MOB3B: variants seen among roughly 807,000 people sequenced by gnomAD.
MOB3B encodes the protein MOB kinase activator 3B, also known as MOB kinase activator-like 2B.
In MOB3B, 7 loss-of-function variants were observed where a neutral mutation model predicts 18.7. The ratio of observed to expected loss-of-function variants is 0.37; its 90% CI spans 0.21 to 0.70. MOB3B has a LOEUF of 0.70. MOB3B is among the 30% of genes least tolerant of loss of function. MOB3B has a pLI of 0.52. For synonymous variants in MOB3B, 111 were observed against 99.9 expected, an observed-to-expected ratio of 1.11 and a Z score of -0.66; for missense variants, 253 against 281.3, an observed-to-expected ratio of 0.90 and a Z score of 0.72.
chr9:27,524,489 G>A, intron 1 of MOB3B: 1 of 1,614,088 alleles, frequency 6.2e-7, no homozygotes, highest in Non-Finnish European at 8.5e-7. Flanking sequence ...TGAGTAGTAT[G>A]AGCAATTCAT....
In MOB3B at chr9:27,327,254, A is replaced by G. The variant is rs1341461959; in HGVS notation, c.*3333T>C. 1 of 152,190 alleles carries G rather than the reference A, an allele frequency of 6.6e-6. No individual in the cohort carries two copies. The highest frequency in any genetic ancestry group is 1.5e-5 in the Non-Finnish European group (1 of 68,038). 9.4% of individuals were successfully genotyped at this position (152,190 alleles called of 1,614,324 possible). A position where few individuals can be genotyped will look rare whatever the true frequency, so the allele number is the denominator to read the frequency against. On this transcript the variant is annotated 3_prime_UTR_variant, in exon 4 of 4. Coordinates refer to ENST00000262244, the MANE Select transcript of MOB3B (RefSeq NM_024761.5). ...ACGTATGCACAGCCTCACACTCTAT[A>G]AATGTATGTGTCCTGAATTTCAGAG...
intron 1 of MOB3B, among the ~76,000 whole-genome samples, chr9:27,491,114 G>A (rs188013505): frequency 2.7e-4 from 41 of 151,778 alleles, no homozygotes; most frequent in Admixed American, 7.9e-4. Context: ...TTATTTCTTC[G>A]GAACGATGAG....
chr9:27,521,803 C>A (rs1820336138), intron 1 of MOB3B, among the ~76,000 whole-genome samples: 1 of 151,996 alleles, frequency 6.6e-6, no homozygotes, highest in Non-Finnish European at 1.5e-5. Context: ...TGGAACTGAG[C>A]CTTAGGGAGA....
chr9:27,429,150 C>G (rs1386018097), intron 2 of MOB3B, among the ~76,000 whole-genome samples: 1 of 152,196 alleles, frequency 6.6e-6, no homozygotes. Context: ...CAGAGTTAAA[C>G]TTCTAGAGCT....
chr9:27,339,269 C>G (rs912542398), intron 3 of MOB3B, among the ~76,000 whole-genome samples: 1 of 152,118 alleles, frequency 6.6e-6, no homozygotes, highest in African/African-American at 2.4e-5. Flanking sequence ...TTTTTAGGAA[C>G]TATTTTTTTG....
chr9:27,529,637 C>T lies in MOB3B; in HGVS notation c.-281G>A. On this transcript the variant is annotated 5_prime_UTR_variant, in exon 1 of 4. Coordinates refer to ENST00000262244, the MANE Select transcript of MOB3B (RefSeq NM_024761.5). ...AGCCAGCGCGAAAGAAAATGGTGAGCTCGGGGCAGGTGGGGCGTCGCTTGC... is the reference window on the plus strand; with the variant it reads ...AGCCAGCGCGAAAGAAAATGGTGAGTTCGGGGCAGGTGGGGCGTCGCTTGC... The T allele has an allele frequency of 1.1e-5, 11 of 985,574 alleles. No individual in the cohort carries two copies. The highest frequency in any genetic ancestry group is 1.3e-5 in the Non-Finnish European group (11 of 830,040). 61.1% of individuals were successfully genotyped at this position (985,574 alleles called of 1,614,324 possible).
chr9:27,330,512 G>C lies in MOB3B; in HGVS notation c.*75C>G. Reference sequence around the variant, plus strand: ...GGAGTAGGTGTGTCATTTCAGCCAGGGTGGTCCACCTCCTGCCCGCTCAGG... The same window carrying C: ...GGAGTAGGTGTGTCATTTCAGCCAGCGTGGTCCACCTCCTGCCCGCTCAGG... On this transcript the variant is annotated 3_prime_UTR_variant, in exon 4 of 4. Transcript: ENST00000262244. The C allele has an allele frequency of 6.2e-7, 1 of 1,603,896 alleles. No homozygotes were observed.
At chr9:27,528,826 C>T (rs1820482085) in intron 1 of MOB3B, among the ~76,000 whole-genome samples, 1 of 152,044 alleles carries the variant, frequency 6.6e-6, no homozygotes, top group South Asian at 2.1e-4. Flanking sequence ...TTGCCAGGCA[C>T]CAGGGGTCGG....
intron 2 of MOB3B, among the ~76,000 whole-genome samples, chr9:27,410,417 T>C (rs1303453417): frequency 6.6e-6 from 1 of 152,152 alleles, no homozygotes; most frequent in African/African-American, 2.4e-5. Flanking sequence ...AGTCACCCGG[T>C]TCAAAAGTTT....
At chr9:27,488,012 G>T (rs1325889880) in intron 1 of MOB3B, among the ~76,000 whole-genome samples, 5 of 152,200 alleles carry the variant, frequency 3.3e-5, no homozygotes, top group Admixed American at 2.0e-4. Context: ...AGGCAGGCCA[G>T]TCCCTAGGTC....
intron 2 of MOB3B, among the ~76,000 whole-genome samples, chr9:27,436,664 G>A (rs749708779): frequency 2.6e-5 from 4 of 152,068 alleles, no homozygotes; most frequent in Non-Finnish European, 5.9e-5. Context: ...ATGATGATTT[G>A]CATTTTATTT....
At chr9:27,501,135 G>A (rs984461963) in intron 1 of MOB3B, among the ~76,000 whole-genome samples, 24 of 152,276 alleles carry the variant, frequency 1.6e-4, no homozygotes, top group Admixed American at 1.4e-3. Flanking sequence ...AAATAGGAAT[G>A]CTATTACACT....
chr9:27,377,519 G>A (rs766405482), intron 2 of MOB3B, among the ~76,000 whole-genome samples: 35 of 152,266 alleles, frequency 2.3e-4, no homozygotes, highest in South Asian at 1.7e-3. Context: ...GTTCTCAAAC[G>A]GGAGCCCTGA....
At chr9:27,494,338 C>G (rs561024676) in intron 1 of MOB3B, among the ~76,000 whole-genome samples, 54 of 152,268 alleles carry the variant, frequency 3.5e-4, no homozygotes, top group African/African-American at 1.3e-3. Flanking sequence ...GTGACCCACA[C>G]CTATTTGCAC....
chr9:27,434,875 C>T (rs1190399010), intron 2 of MOB3B, among the ~76,000 whole-genome samples: 1 of 152,076 alleles, frequency 6.6e-6, no homozygotes, highest in Non-Finnish European at 1.5e-5. Flanking sequence ...GGAAAAACCA[C>T]CCCAAAACAT....
intron 2 of MOB3B, among the ~76,000 whole-genome samples, chr9:27,389,138 G>A (rs761478824): frequency 3.3e-5 from 5 of 152,158 alleles, no homozygotes; most frequent in African/African-American, 7.2e-5. Context: ...GCTTATATCA[G>A]GAGTACTCAT....
At chr9:27,476,325 A>T (rs1819552218) in intron 1 of MOB3B, among the ~76,000 whole-genome samples, 1 of 152,196 alleles carries the variant, frequency 6.6e-6, no homozygotes, top group African/African-American at 2.4e-5. Context: ...GGCACTAGGG[A>T]GAAATCTGTT....
chr9:27,355,439 G>A (rs1821174499), intron 3 of MOB3B, among the ~76,000 whole-genome samples: 1 of 152,192 alleles, frequency 6.6e-6, no homozygotes, highest in South Asian at 2.1e-4. Flanking sequence ...CAACTAGAAT[G>A]TGAAGCCAAA....
At chr9:27,386,500 G>C (rs1821651737) in intron 2 of MOB3B, among the ~76,000 whole-genome samples, 1 of 152,204 alleles carries the variant, frequency 6.6e-6, no homozygotes, top group African/African-American at 2.4e-5. Flanking sequence ...CTCAGGAACA[G>C]CACGAATAAT....
Sources: gnomAD v4.1 joint callset for allele counts (sites outside exome capture counted in the v4.1 genomes callset) on GRCh38, gnomAD v4.1.1 for gene constraint, MANE v1.5 for transcripts, NCBI Gene and HGNC (gene_info 2026-07-23, HGNC 2026-07-21) for gene names.